HERC3: variants seen among roughly 807,000 people sequenced by gnomAD.
The protein encoded by HERC3 is probable E3 ubiquitin-protein ligase HERC3.
Under a neutral mutation model 129.9 loss-of-function variants are expected in HERC3, and 58 were observed. The ratio of observed to expected loss-of-function variants is 0.45; its 90% CI spans 0.36 to 0.56. The LOEUF (loss-of-function observed/expected upper bound fraction) is 0.56. Ranked by LOEUF, HERC3 falls within the 20% of genes least tolerant of loss-of-function variation. The probability of loss-of-function intolerance (pLI) is 0.00; values close to 1 mark genes in which losing one functional copy is unlikely to be tolerated. For synonymous variants in HERC3, 430 were observed against 451.0 expected, an observed-to-expected ratio of 0.95 and a Z score of 0.59; for missense variants, 835 against 1,244.2, an observed-to-expected ratio of 0.67 and a Z score of 4.95.
chr4:88,526,017 C>T, the HERC3 span, among the ~76,000 whole-genome samples: 1 of 152,230 alleles, frequency 6.6e-6, no homozygotes, highest in Non-Finnish European at 1.5e-5. Context: ...CCTCAACCTT[C>T]TCACTTGTGA....
At chr4:88,616,055 A>G (rs1724865239) in intron 3 of HERC3, among the ~76,000 whole-genome samples, 1 of 152,246 alleles carries the variant, frequency 6.6e-6, no homozygotes, top group Non-Finnish European at 1.5e-5. Context: ...TTAATACTAC[A>G]GGATCTGATG....
At chr4:88,633,495 A>G (rs1319221157) in intron 3 of HERC3, among the ~76,000 whole-genome samples, 1 of 152,218 alleles carries the variant, frequency 6.6e-6, no homozygotes, top group Non-Finnish European at 1.5e-5. Context: ...CTGAAAAGAT[A>G]ATTATTGTAA....
rs939281136 is a variant in HERC3, at chr4:88,605,275, A to G, written c.-29-520A>G. 2.7e-5 allele frequency among the ~76,000 whole-genome samples: 4 copies of G among 150,278 alleles called. No homozygotes were observed. In the South Asian group the frequency reaches 6.3e-4, roughly 24 times the overall value. On this transcript the variant is annotated intron_variant, in intron 2 of 25. Coordinates refer to ENST00000402738, the MANE Select transcript of HERC3 (RefSeq NM_014606.3). ...AAAAGGGAATGGCAGAGAAGATAAC[A>G]TTTTTTTTTTCTATTTCTCATCTTC...
chr4:88,608,309 G>A (rs1020950314), intron 3 of HERC3, among the ~76,000 whole-genome samples: 4 of 152,144 alleles, frequency 2.6e-5, no homozygotes, highest in Non-Finnish European at 5.9e-5. Context: ...CAGGAAGCCC[G>A]CTGTGAGAAA....
chr4:88,595,119 A>AG (rs1235291210), intron 1 of HERC3, among the ~76,000 whole-genome samples: 1 of 151,294 alleles, frequency 6.6e-6, no homozygotes, highest in Non-Finnish European at 1.5e-5. Flanking sequence ...AAAAAAAAAA[A>AG]AAAAGAAAAG....
chr4:88,672,973 T>C (rs1487460520), intron 16 of HERC3, among the ~76,000 whole-genome samples: 1 of 152,196 alleles, frequency 6.6e-6, no homozygotes, highest in Non-Finnish European at 1.5e-5. Flanking sequence ...ATCTAACACA[T>C]GTGTGCAGAA....
chr4:88,676,506 G>T, intron 18 of HERC3, 83 bp downstream of exon 18: 1 of 954,150 alleles, frequency 1.0e-6, no homozygotes. Flanking sequence ...TCTAGTAGGA[G>T]AAAACATATT....
chr4:88,690,381 A>T lies in HERC3; in HGVS notation c.2657+3082A>T, dbSNP rs182184159. The T allele has an allele frequency of 7.0e-5, 69 of 985,422 alleles. No individual in the cohort carries two copies. In the African/African-American group the frequency reaches 1.2e-3, roughly 17 times the overall value. 61.0% of individuals were successfully genotyped at this position (985,422 alleles called of 1,614,324 possible). A position where few individuals can be genotyped will look rare whatever the true frequency, so the allele number is the denominator to read the frequency against. On this transcript the variant is annotated intron_variant, in intron 23 of 25. Transcript: ENST00000402738. Reference sequence around the variant, plus strand: ...CTGGTTTTGGGGATTGCTTTATAACATTGTAGATGCGTGTGAGTACGTATG... The same window carrying T: ...CTGGTTTTGGGGATTGCTTTATAACTTTGTAGATGCGTGTGAGTACGTATG...
intron 23 of HERC3, among the ~76,000 whole-genome samples, chr4:88,700,699 A>AG (rs1260550966): frequency 9.9e-5 from 15 of 150,896 alleles, no homozygotes; most frequent in African/African-American, 3.7e-4. Flanking sequence ...TGTGAAGCCG[A>AG]GGGGGGTGGG....
intron 11 of HERC3, 120 bp downstream of exon 11, chr4:88,662,675 G>A: frequency 9.7e-7 from 1 of 1,032,370 alleles, no homozygotes; most frequent in Middle Eastern, 3.3e-4. Flanking sequence ...TTACATTATA[G>A]GGAATCGTGG....
the HERC3 span, among the ~76,000 whole-genome samples, chr4:88,579,226 A>ATATAT: frequency 4.3e-5 from 4 of 93,958 alleles, no homozygotes; most frequent in African/African-American, 1.0e-4. Context: ...TACTAAAAAA[A>ATATAT]AAAAAAATAT....
chr4:88,658,541 C>A, intron 10 of HERC3, 50 bp downstream of exon 10: 3 of 922,406 alleles, frequency 3.3e-6, no homozygotes, highest in South Asian at 2.9e-5. Context: ...AATAGTGAAC[C>A]AACATTTCTT....
At chr4:88,537,128 G>A in the HERC3 span, among the ~76,000 whole-genome samples, 1 of 152,060 alleles carries the variant, frequency 6.6e-6, no homozygotes, top group Non-Finnish European at 1.5e-5. Flanking sequence ...ATCAAAATCA[G>A]AAAATTAATA....
At chr4:88,590,508 G>A (rs1257465102), upstream of HERC3, among the ~76,000 whole-genome samples, 1 of 152,140 alleles carries the variant, frequency 6.6e-6, no homozygotes, top group Non-Finnish European at 1.5e-5. Flanking sequence ...GCAGGGAGCC[G>A]AGTTTGCGCC....
chr4:88,581,461 C>A, the HERC3 span, among the ~76,000 whole-genome samples: 5 of 131,794 alleles, frequency 3.8e-5, no homozygotes, highest in African/African-American at 2.0e-4. Context: ...CCATGCCTGG[C>A]TAAATTTTTT....
At chr4:88,645,223 G>A (rs28619557) in intron 3 of HERC3, among the ~76,000 whole-genome samples, 8,515 of 152,066 alleles carry the variant, frequency 0.056, 349 homozygotes, top group Middle Eastern at 0.12. Flanking sequence ...GTAAGAGTTC[G>A]GTGGGAACAG....
chr4:88,667,146 A>G (rs1179309980), intron 12 of HERC3, among the ~76,000 whole-genome samples: 1 of 152,190 alleles, frequency 6.6e-6, no homozygotes, highest in East Asian at 1.9e-4. Context: ...AAATTTGAAA[A>G]TTCTTGTAAA....
the HERC3 span, among the ~76,000 whole-genome samples, chr4:88,539,978 G>A: frequency 5.9e-5 from 9 of 152,124 alleles, no homozygotes; most frequent in Admixed American, 5.9e-4. Flanking sequence ...CACAAAAATG[G>A]GGAGAAACCA....
chr4:88,706,650 C>G (rs1578362746), intron 25 of HERC3, 102 bp from the exon 26 acceptor site: 2 of 850,822 alleles, frequency 2.4e-6, no homozygotes, highest in African/African-American at 3.4e-5. Flanking sequence ...ACTTCTCATG[C>G]AAGCCACAGG....
Sources: allele counts gnomAD v4.1 joint callset (sites outside exome capture counted in the v4.1 genomes callset), GRCh38; gene constraint gnomAD v4.1.1; transcripts MANE v1.5; gene names NCBI Gene and HGNC (gene_info 2026-07-23, HGNC 2026-07-21).